The following PTPRN2 variants were observed in gnomAD, a reference collection of about 807,000 sequenced individuals.
PTPRN2 encodes the protein receptor-type tyrosine-protein phosphatase N2.
A neutral mutation model predicts 118.8 loss-of-function variants in PTPRN2; 74 were observed. That is an observed-to-expected ratio of 0.62 (90% CI 0.52 to 0.76). The LOEUF (loss-of-function observed/expected upper bound fraction) is 0.76. Ranked by LOEUF, PTPRN2 falls within the 30% of genes least tolerant of loss-of-function variation. PTPRN2 has a pLI of 0.00. For missense variants in PTPRN2, 1,481 were observed against 1,394.4 expected (o/e 1.06, Z -0.99); for synonymous variants, 641 against 608.0 (o/e 1.05, Z -0.80).
chr7:158,411,919 C>T (rs776788387), intron 2 of PTPRN2, among the ~76,000 whole-genome samples: 7 of 152,166 alleles, frequency 4.6e-5, no homozygotes, highest in East Asian at 1.9e-4. Context: ...TGAGAACATG[C>T]GTGGGCCAAG....
At chr7:157,945,977 CCTTT>C (rs982642494) in intron 11 of PTPRN2, among the ~76,000 whole-genome samples, 1 of 152,132 alleles carries the variant, frequency 6.6e-6, no homozygotes, top group African/African-American at 2.4e-5. Flanking sequence ...GAAGATTCTG[CCTTT>C]CTGTTCAGCT....
At chr7:158,119,932 T>G (rs1440045162) in intron 9 of PTPRN2, among the ~76,000 whole-genome samples, 1 of 152,010 alleles carries the variant, frequency 6.6e-6, no homozygotes, top group African/African-American at 2.4e-5. Context: ...TCTCAATCAC[T>G]AAAGCATGGG....
intron 15 of PTPRN2, among the ~76,000 whole-genome samples, chr7:157,612,946 C>A (rs1353468585): frequency 2.0e-5 from 3 of 152,154 alleles, no homozygotes; most frequent in Non-Finnish European, 2.9e-5. Flanking sequence ...CCTCCCCGCC[C>A]GGGTCTGCGG....
chr7:157,689,071 G>C (rs576998448), intron 12 of PTPRN2, among the ~76,000 whole-genome samples: 1 of 152,202 alleles, frequency 6.6e-6, no homozygotes, highest in African/African-American at 2.4e-5. Flanking sequence ...GAATCCCGGC[G>C]CTCGCAGCCC....
intron 11 of PTPRN2, among the ~76,000 whole-genome samples, chr7:157,961,740 C>G (rs1248973133): frequency 6.6e-6 from 1 of 152,202 alleles, no homozygotes; most frequent in East Asian, 1.9e-4. Flanking sequence ...TTTCAGCACT[C>G]ACACTCGAAG....
rs143017160 is a variant in PTPRN2, at chr7:158,238,034, CG to C, written c.278-32762del. On this transcript the variant is annotated intron_variant, in intron 3 of 22. Transcript: ENST00000389418. ...CGACGTCCCTGGAGGCCAGCTGTTC[CG>C]GCAGGGCTGGGGCACACACACAATC... is the stretch of plus-strand genomic sequence containing the variant. Among the ~76,000 whole-genome samples the C allele has an allele frequency of 2.6e-4, 40 of 152,280 alleles. No individual in the cohort carries two copies. In the East Asian group the frequency reaches 6.6e-3, roughly 25 times the overall value.
At chr7:158,378,978 C>G (rs1251630042) in intron 2 of PTPRN2, among the ~76,000 whole-genome samples, 1 of 152,230 alleles carries the variant, frequency 6.6e-6, no homozygotes, top group African/African-American at 2.4e-5. Context: ...TATTTATTGA[C>G]AGTGCATCTG....
chr7:158,514,083 G>A lies in PTPRN2; in HGVS notation c.113-24298C>T, dbSNP rs116345295. ...CAACACCACGGGCATCAAATGAGGC[G>A]GATGGAAGCCTACAACCCTCAATCA... On this transcript the variant is annotated intron_variant, in intron 1 of 22. Coordinates refer to ENST00000389418, the MANE Select transcript of PTPRN2 (RefSeq NM_002847.5). Among the ~76,000 whole-genome samples the A allele has an allele frequency of 4.4e-3, 667 of 152,212 alleles. 4 individuals carry two copies. Among genetic ancestry groups the A allele is most frequent in the African/African-American group, 0.013 (522 of 41,530 alleles).
chr7:158,491,009 T>A lies in PTPRN2; in HGVS notation c.113-1224A>T, dbSNP rs192749548. Among the ~76,000 whole-genome samples, 4 of 152,314 alleles carry A rather than the reference T, an allele frequency of 2.6e-5. No homozygotes were observed. The East Asian group carries it at 7.7e-4, about 29-fold the overall frequency. On this transcript the variant is annotated intron_variant, in intron 1 of 22. Coordinates refer to ENST00000389418, the MANE Select transcript of PTPRN2 (RefSeq NM_002847.5). ...AGAAACTGAGGAATCTGGAGAAAGT[T>A]ATGAATTACTGAGGGATTCACCCCC...
At chr7:158,284,285 C>T (rs1291817658) in intron 3 of PTPRN2, among the ~76,000 whole-genome samples, 3 of 152,068 alleles carry the variant, frequency 2.0e-5, no homozygotes, top group Non-Finnish European at 4.4e-5. Flanking sequence ...AGGAACTCTC[C>T]GAGTCAGCCA....
intron 2 of PTPRN2, among the ~76,000 whole-genome samples, chr7:158,319,284 C>G (rs1802605206): frequency 7.8e-6 from 1 of 128,338 alleles, no homozygotes; most frequent in Admixed American, 8.6e-5. Flanking sequence ...ACACCATCCC[C>G]AGTGCATTGT....
chr7:158,403,438 C>A (rs1051865855), intron 2 of PTPRN2, among the ~76,000 whole-genome samples: 2 of 152,244 alleles, frequency 1.3e-5, no homozygotes, highest in African/African-American at 4.8e-5. Flanking sequence ...GGCCCGGGCA[C>A]AGGCCCAGCT....
At chr7:157,988,648 G>T (rs1236087531) in intron 11 of PTPRN2, among the ~76,000 whole-genome samples, 1 of 152,228 alleles carries the variant, frequency 6.6e-6, no homozygotes, top group Non-Finnish European at 1.5e-5. Context: ...AGCACAGGGG[G>T]GCTGGAGGGA....
At chr7:158,042,945 A>G (rs775952321) in intron 11 of PTPRN2, among the ~76,000 whole-genome samples, 1 of 152,248 alleles carries the variant, frequency 6.6e-6, no homozygotes, top group Non-Finnish European at 1.5e-5. Flanking sequence ...CCATATTTCA[A>G]TACAAAGCAA....
At chr7:158,398,041 T>G (rs1474965182) in intron 2 of PTPRN2, among the ~76,000 whole-genome samples, 1 of 152,108 alleles carries the variant, frequency 6.6e-6, no homozygotes, top group African/African-American at 2.4e-5. Context: ...CTGGGAAAAT[T>G]TGCAGACTCG....
intron 11 of PTPRN2, among the ~76,000 whole-genome samples, chr7:157,901,312 G>C (rs1044517958): frequency 6.6e-6 from 1 of 152,004 alleles, no homozygotes; most frequent in African/African-American, 2.4e-5. Context: ...ATTTCAACAT[G>C]AGGCATGGCG....
intron 12 of PTPRN2, among the ~76,000 whole-genome samples, chr7:157,809,216 G>A (rs1250807236): frequency 2.0e-5 from 3 of 151,928 alleles, no homozygotes; most frequent in Non-Finnish European, 4.4e-5. Context: ...GAGCCAGGAG[G>A]CTGTGACTCT....
intron 12 of PTPRN2, among the ~76,000 whole-genome samples, chr7:157,732,191 T>A (rs1408150088): frequency 7.7e-5 from 3 of 39,098 alleles, no homozygotes; most frequent in Non-Finnish European, 1.5e-4. Flanking sequence ...GTTACCCTTT[T>A]CCGCCCCACG....
intron 1 of PTPRN2, among the ~76,000 whole-genome samples, chr7:158,567,650 G>A (rs569499668): frequency 1.5e-4 from 23 of 152,306 alleles, no homozygotes; most frequent in African/African-American, 5.1e-4. Context: ...CATGGCCCTC[G>A]AGGAGCAAGC....
Sources: gnomAD v4.1 joint callset for allele counts (sites outside exome capture counted in the v4.1 genomes callset) on GRCh38, gnomAD v4.1.1 for gene constraint, MANE v1.5 for transcripts, NCBI Gene and HGNC (gene_info 2026-07-23, HGNC 2026-07-21) for gene names.